The following M1AP variants were observed in gnomAD, a reference collection of about 807,000 sequenced individuals.
M1AP encodes the protein meiosis 1 associated protein, also known as meiosis 1 arrest protein.
M1AP carries 39 observed loss-of-function variants against 51.2 expected under a neutral mutation model. That is an observed-to-expected ratio of 0.76 (90% CI 0.59 to 1.00). M1AP has a LOEUF of 1.00. Among genes scored for constraint, M1AP ranks in the 50% least tolerant of loss-of-function variants. M1AP has a pLI of 0.00. For missense variants in M1AP, 545 were observed against 641.2 expected, an observed-to-expected ratio of 0.85 and a Z score of 1.62; for synonymous variants, 251 against 249.2, an observed-to-expected ratio of 1.01 and a Z score of -0.07.
At chr2:74,636,271 C>A (rs1289924328) in intron 2 of M1AP, among the ~76,000 whole-genome samples, 1 of 151,938 alleles carries the variant, frequency 6.6e-6, no homozygotes, top group Non-Finnish European at 1.5e-5. Context: ...ATTAATAAAT[C>A]CACTCCTGCT....
rs751957251 is a variant in M1AP at position 74,581,673 on chromosome 2, C to T, written c.769+1G>A. The T allele has an allele frequency of 1.2e-6, 2 of 1,612,908 alleles. No homozygotes were observed. Among genetic ancestry groups the T allele is most frequent in the Non-Finnish European group, 1.7e-6 (2 of 1,179,140 alleles). ...CTAAATATCTTTTGGGGATTATGTA[C>T]TTGGATTATCTCTGGGTCTGGAAAT... On this transcript the variant is annotated splice_donor_variant, in intron 5 of 10. Transcript: ENST00000421985. LOFTEE classifies it high-confidence loss of function.
At position 74,581,847 on chromosome 2, in the gene M1AP, T is replaced by C; in HGVS notation, c.596A>G (p.Glu199Gly). 4 of 1,607,196 alleles carry C rather than the reference T, an allele frequency of 2.5e-6. No individual in the cohort carries two copies. The highest frequency in any genetic ancestry group is 3.4e-6 in the Non-Finnish European group (4 of 1,175,676). ...AATGTCAGTTCCCAGAATAGAACTC[T>C]CTGCAAAAGAAAGGGAAATAAAGTG... ...ASPVEDTSND[E>G]SSILGTDIDL... is the part of the protein sequence containing the mutation. Residue 199 changes from glutamate to glycine, a missense_variant and splice_region_variant, in exon 5 of 11, where the codon GAG becomes GGG. Glu to Gly is a moderately conservative substitution (Grantham distance 98). Transcript: ENST00000421985.
chr2:74,615,189 A>G (rs772900495), intron 2 of M1AP, 40 bp from the exon 3 acceptor site: 1 of 1,564,102 alleles, frequency 6.4e-7, no homozygotes, highest in Non-Finnish European at 8.8e-7. Context: ...GTCTTTAGGG[A>G]CCAGGTTTCA....
chr2:74,608,229 CTCTA>C lies in M1AP; in HGVS notation c.427-1010_427-1007del, dbSNP rs1005165901. On this transcript the variant is annotated intron_variant, in intron 3 of 10. Transcript: ENST00000421985. ...TTCACCACCCTAAGAATCCTCTCTG[CTCTA>C]TCTATTCATCCCTCCTTCTCCTCAA... Among the ~76,000 whole-genome samples, 16 of 152,180 alleles carry C rather than the reference CTCTA, an allele frequency of 1.1e-4. 1 individual carries two copies. The highest frequency in any genetic ancestry group is 2.1e-4 in the Non-Finnish European group (14 of 68,028).
chr2:74,575,335 G>C (rs1678993220), intron 7 of M1AP, 103 bp downstream of exon 7: 1 of 1,552,008 alleles, frequency 6.4e-7, no homozygotes, highest in Non-Finnish European at 8.7e-7. Context: ...TCTTCTTGAG[G>C]GTTGAGGCAG....
At chr2:74,627,057 G>A (rs1175350972) in intron 2 of M1AP, among the ~76,000 whole-genome samples, 1 of 152,146 alleles carries the variant, frequency 6.6e-6, no homozygotes, top group East Asian at 1.9e-4. Context: ...TGACATCTGA[G>A]TCTTCCCAAA....
intron 4 of M1AP, among the ~76,000 whole-genome samples, chr2:74,605,596 T>C (rs1168697471): frequency 6.6e-6 from 1 of 152,034 alleles, no homozygotes; most frequent in South Asian, 2.1e-4. Context: ...TTTTTCATCA[T>C]GACATGGTTT....
intron 3 of M1AP, among the ~76,000 whole-genome samples, chr2:74,612,446 C>T (rs1188723240): frequency 6.6e-6 from 1 of 152,086 alleles, no homozygotes; most frequent in Non-Finnish European, 1.5e-5. Context: ...TCTCAAACTC[C>T]TGGCCTCAAG....
intron 3 of M1AP, among the ~76,000 whole-genome samples, chr2:74,610,222 T>C (rs1489322050): frequency 6.6e-6 from 1 of 151,956 alleles, no homozygotes; most frequent in Non-Finnish European, 1.5e-5. Context: ...TTGACCAGAC[T>C]GGTCTGGAAC....
chr2:74,619,694 C>T (rs1367701500), intron 2 of M1AP, among the ~76,000 whole-genome samples: 2 of 152,182 alleles, frequency 1.3e-5, no homozygotes, highest in African/African-American at 2.4e-5. Context: ...ATTTATCATT[C>T]ACCGTTAACT....
chr2:74,600,979 G>A (rs1433752768), intron 4 of M1AP, among the ~76,000 whole-genome samples: 1 of 152,056 alleles, frequency 6.6e-6, no homozygotes, highest in Non-Finnish European at 1.5e-5. Context: ...AATATCAGTA[G>A]ATGACATTTA....
At chr2:74,647,331 G>A (rs1248732845) in intron 1 of M1AP, 3 of 985,204 alleles carry the variant, frequency 3.0e-6, no homozygotes, top group Non-Finnish European at 3.6e-6. Context: ...GTTCCGTGCT[G>A]AGCATTCTAG....
chr2:74,574,098 G>A (rs982731061), intron 7 of M1AP, among the ~76,000 whole-genome samples: 1 of 152,118 alleles, frequency 6.6e-6, no homozygotes, highest in Non-Finnish European at 1.5e-5. Context: ...TGCGGGCTTC[G>A]AAACAGGAAA....
intron 7 of M1AP, among the ~76,000 whole-genome samples, chr2:74,573,362 C>T (rs1478308826): frequency 1.4e-5 from 2 of 145,972 alleles, no homozygotes; most frequent in African/African-American, 5.1e-5. Flanking sequence ...CCTATTATAA[C>T]TATTTTTTGA....
chr2:74,621,376 C>A (rs1483948680), intron 2 of M1AP, among the ~76,000 whole-genome samples: 1 of 152,104 alleles, frequency 6.6e-6, no homozygotes, highest in African/African-American at 2.4e-5. Flanking sequence ...TCCAGCCGGG[C>A]CTCTGTCAAA....
intron 2 of M1AP, chr2:74,618,895 G>T: frequency 7.6e-6 from 4 of 524,754 alleles, no homozygotes; most frequent in South Asian, 4.2e-5. Flanking sequence ...TACAGCTCTT[G>T]ACTGAGTAGA....
chr2:74,624,493 GAGGTC>G (rs1682261220), intron 2 of M1AP, among the ~76,000 whole-genome samples: 1 of 152,130 alleles, frequency 6.6e-6, no homozygotes, highest in Admixed American at 6.5e-5. Flanking sequence ...TGTTTCATTG[GAGGTC>G]AGGTCAAGAA....
chr2:74,571,075 A>C (rs888083796), intron 7 of M1AP, among the ~76,000 whole-genome samples: 1 of 152,224 alleles, frequency 6.6e-6, no homozygotes, highest in African/African-American at 2.4e-5. Flanking sequence ...AAAACATGTG[A>C]TAGGGGAATG....
intron 7 of M1AP, among the ~76,000 whole-genome samples, chr2:74,564,052 T>G (rs1465013933): frequency 3.9e-5 from 6 of 152,054 alleles, no homozygotes; most frequent in Non-Finnish European, 5.9e-5. Flanking sequence ...AGAAAACACA[T>G]GAGTTCTGGC....
Sources: allele counts gnomAD v4.1 joint callset (sites outside exome capture counted in the v4.1 genomes callset), GRCh38; gene constraint gnomAD v4.1.1; transcripts MANE v1.5; gene names NCBI Gene and HGNC (gene_info 2026-07-23, HGNC 2026-07-21).